CLDN10: variants seen among roughly 807,000 people sequenced by gnomAD.
CLDN10 encodes claudin-10.
In CLDN10, 15 loss-of-function variants were observed where a neutral mutation model predicts 22.9. The ratio of observed to expected loss-of-function variants is 0.65; its 90% CI spans 0.44 to 1.01. CLDN10 has a LOEUF of 1.01. CLDN10 is among the 50% of genes least tolerant of loss of function. The pLI, the probability that CLDN10 is intolerant of heterozygous loss-of-function variation, is 0.00. For synonymous variants in CLDN10, 114 were observed against 111.4 expected (o/e 1.02, Z -0.15); for missense variants, 247 against 287.8 (o/e 0.86, Z 1.03).
At chr13:95,439,533 T>TGG (rs1189934119) in intron 1 of CLDN10, among the ~76,000 whole-genome samples, 1 of 152,038 alleles carries the variant, frequency 6.6e-6, no homozygotes, top group East Asian at 1.9e-4. Context: ...AGAGTTTTGC[T>TGG]GGGTTGTCCA....
intron 1 of CLDN10, among the ~76,000 whole-genome samples, chr13:95,524,865 A>ATT (rs1193360903): frequency 2.3e-5 from 3 of 130,774 alleles, no homozygotes; most frequent in South Asian, 2.3e-4. Flanking sequence ...ATTTATTTTT[A>ATT]TTTTTTTTTT....
chr13:95,436,947 A>G (rs1227426928), intron 1 of CLDN10, among the ~76,000 whole-genome samples: 1 of 152,236 alleles, frequency 6.6e-6, no homozygotes, highest in African/African-American at 2.4e-5. Flanking sequence ...ATAATAAACT[A>G]TTTAAGCCTA....
chr13:95,568,138 T>TTTATTTATTTTTGTTTATTTAA (rs2043808918), intron 3 of CLDN10, among the ~76,000 whole-genome samples: 1 of 152,214 alleles, frequency 6.6e-6, no homozygotes, highest in Non-Finnish European at 1.5e-5. Flanking sequence ...ACATTATGGA[T>TTTATTTATTTTTGTTTATTTAA]GTTTGTTTAT....
intron 1 of CLDN10, among the ~76,000 whole-genome samples, chr13:95,506,660 C>G (rs957717339): frequency 4.6e-5 from 7 of 152,122 alleles, no homozygotes; most frequent in African/African-American, 1.7e-4. Flanking sequence ...GTTGGTGAAC[C>G]AAGTATGGTT....
chr13:95,470,696 C>T (rs983945429), intron 1 of CLDN10, among the ~76,000 whole-genome samples: 1 of 152,156 alleles, frequency 6.6e-6, no homozygotes, highest in Non-Finnish European at 1.5e-5. Flanking sequence ...CAGCAACTTC[C>T]TGCTGGCCGT....
At chr13:95,475,672 A>T (rs2042678383) in intron 1 of CLDN10, among the ~76,000 whole-genome samples, 1 of 151,824 alleles carries the variant, frequency 6.6e-6, no homozygotes, top group Non-Finnish European at 1.5e-5. Context: ...CTCCATTCCC[A>T]CCTCATCCTC....
intron 1 of CLDN10, among the ~76,000 whole-genome samples, chr13:95,557,303 T>G (rs2043651763): frequency 6.6e-6 from 1 of 152,188 alleles, no homozygotes; most frequent in Non-Finnish European, 1.5e-5. Flanking sequence ...GTGGTGTTAC[T>G]TGTAAGTTTT....
At chr13:95,534,447 T>C (rs1401249425) in intron 1 of CLDN10, among the ~76,000 whole-genome samples, 1 of 152,222 alleles carries the variant, frequency 6.6e-6, no homozygotes, top group African/African-American at 2.4e-5. Flanking sequence ...TAAGCTTAAC[T>C]ATACTCCTGT....
intron 1 of CLDN10, among the ~76,000 whole-genome samples, chr13:95,463,285 A>AAATATATAT (rs1491334890): frequency 0.015 from 592 of 40,060 alleles, 53 homozygotes; most frequent in Non-Finnish European, 0.023. Context: ...GCAAATGCTT[A>AAATATATAT]ATATATATAT....
chr13:95,503,286 A>G (rs571826348), intron 1 of CLDN10, among the ~76,000 whole-genome samples: 3 of 152,362 alleles, frequency 2.0e-5, no homozygotes, highest in Admixed American at 6.5e-5. Context: ...TAAAGAAAAA[A>G]ACATTAGAGG....
intron 3 of CLDN10, among the ~76,000 whole-genome samples, chr13:95,576,164 C>T (rs181648525): frequency 1.3e-5 from 2 of 152,220 alleles, no homozygotes; most frequent in African/African-American, 4.8e-5. Context: ...GATCTGATAC[C>T]GAAGCCTGGC....
chr13:95,434,371 A>G (rs914613731), intron 1 of CLDN10, among the ~76,000 whole-genome samples: 2 of 151,900 alleles, frequency 1.3e-5, no homozygotes, highest in Non-Finnish European at 2.9e-5. Flanking sequence ...TTGATGGGTC[A>G]GCACCCCTAT....
chr13:95,556,707 C>T (rs887059260), intron 1 of CLDN10, among the ~76,000 whole-genome samples: 1 of 152,190 alleles, frequency 6.6e-6, no homozygotes, highest in African/African-American at 2.4e-5. Flanking sequence ...TTCCTGCCCT[C>T]CCCATACCAC....
upstream of CLDN10, among the ~76,000 whole-genome samples, chr13:95,550,767 A>G (rs540576795): frequency 2.2e-4 from 34 of 151,934 alleles, no homozygotes; most frequent in Admixed American, 4.6e-4. Context: ...CATTGCTCAA[A>G]GGTGACTGAT....
intron 1 of CLDN10, among the ~76,000 whole-genome samples, chr13:95,442,427 T>C (rs1270388618): frequency 1.3e-5 from 2 of 152,224 alleles, no homozygotes; most frequent in African/African-American, 4.8e-5. Context: ...GTAAAGGATA[T>C]TGTGCTCATG....
rs1219762768 is a variant in CLDN10, at chr13:95,471,418, TACACACACAC to T, written c.214+37385_214+37394del. 2.8e-5 allele frequency among the ~76,000 whole-genome samples: 3 copies of T among 106,482 alleles called. No homozygotes were observed. In the Admixed American group the frequency reaches 3.1e-4, roughly 11 times the overall value. The allele number at this position is 106,482 out of a possible 152,430, so 69.9% of individuals were successfully genotyped here. A position where few individuals can be genotyped will look rare whatever the true frequency, so the allele number is the denominator to read the frequency against. Reference sequence around the variant, plus strand: ...ACATGTATATATACACACACACATATACACACACACACACACACACACATATATATATATA... The same window carrying T: ...ACATGTATATATACACACACACATATACACACACACACATATATATATATA... On this transcript the variant is annotated intron_variant, in intron 1 of 4. Coordinates refer to the CLDN10 transcript ENST00000376873.
At chr13:95,504,564 G>A (rs2043018553) in intron 1 of CLDN10, among the ~76,000 whole-genome samples, 1 of 151,934 alleles carries the variant, frequency 6.6e-6, no homozygotes. Context: ...ATTTTTAGTA[G>A]AGACAGGGTT....
At chr13:95,482,906 G>T (rs113770246) in intron 1 of CLDN10, among the ~76,000 whole-genome samples, 9,464 of 152,284 alleles carry the variant, frequency 0.062, 400 homozygotes, top group Non-Finnish European at 0.086. Context: ...TTGAACCCAG[G>T]AGGCAGAGGT....
intron 1 of CLDN10, chr13:95,434,136 C>A: frequency 8.5e-7 from 1 of 1,170,634 alleles, no homozygotes; most frequent in Non-Finnish European, 1.3e-6. Flanking sequence ...TGGCTGTTAA[C>A]TCTCTGAAGA....
Sources: gnomAD v4.1 joint callset for allele counts (sites outside exome capture counted in the v4.1 genomes callset) on GRCh38, gnomAD v4.1.1 for gene constraint, MANE v1.5 for transcripts, NCBI Gene and HGNC (gene_info 2026-07-23, HGNC 2026-07-21) for gene names.